TTC29: variants seen among roughly 807,000 people sequenced by gnomAD.
The protein encoded by TTC29 is tetratricopeptide repeat domain 29, also known as tetratricopeptide repeat protein 29.
In TTC29, 49 loss-of-function variants were observed where a neutral mutation model predicts 58.1. The observed-to-expected ratio is 0.84, with a 90% CI of 0.67 to 1.07. The LOEUF is 1.07. Among genes scored for constraint, TTC29 ranks in the 50% least tolerant of loss-of-function variants. The probability of loss-of-function intolerance (pLI) is 0.00; values close to 1 mark genes in which losing one functional copy is unlikely to be tolerated. For synonymous variants in TTC29, 209 were observed against 196.8 expected, an observed-to-expected ratio of 1.06 and a Z score of -0.52; for missense variants, 582 against 555.6, an observed-to-expected ratio of 1.05 and a Z score of -0.48.
intron 11 of TTC29, among the ~76,000 whole-genome samples, chr4:146,786,499 G>T (rs368723011): frequency 1.3e-5 from 2 of 152,126 alleles, no homozygotes; most frequent in African/African-American, 4.8e-5. Flanking sequence ...ATGATTTCCA[G>T]ATATTCTCCC....
chr4:146,732,553 G>A (rs79054842), intron 11 of TTC29, among the ~76,000 whole-genome samples: 3,483 of 152,190 alleles, frequency 0.023, 65 homozygotes, highest in Non-Finnish European at 0.031. Flanking sequence ...GGAGGGCAGC[G>A]AAGTAGTTTG....
At chr4:146,893,044 T>C (rs113621664) in intron 6 of TTC29, among the ~76,000 whole-genome samples, 3 of 152,236 alleles carry the variant, frequency 2.0e-5, no homozygotes, top group African/African-American at 7.2e-5. Context: ...TACAAACAAA[T>C]GGAAGAACAT....
At position 146,821,985 on chromosome 4, in the gene TTC29, G is replaced by GTTT. The variant is rs34100285; in HGVS notation, c.978-1740_978-1738dup. Among the ~76,000 whole-genome samples the GTTT allele has an allele frequency of 9.2e-4, 101 of 109,440 alleles. 1 individual carries two copies. The highest frequency in any genetic ancestry group is 1.4e-3 in the Non-Finnish European group (76 of 54,084). The allele number at this position is 109,440 out of a possible 152,430, so 71.8% of individuals were successfully genotyped here. A position where few individuals can be genotyped will look rare whatever the true frequency, so the allele number is the denominator to read the frequency against. On this transcript the variant is annotated intron_variant, in intron 9 of 12. Coordinates refer to ENST00000325106, the MANE Select transcript of TTC29 (RefSeq NM_031956.4). ...CTATCCTCGTAAGAACATGTCTAGT[G>GTTT]TTTTTTTTTTTTTTTTTTTTTCTGG...
chr4:146,775,848 T>A (rs1191223796), intron 11 of TTC29, among the ~76,000 whole-genome samples: 1 of 152,214 alleles, frequency 6.6e-6, no homozygotes, highest in African/African-American at 2.4e-5. Context: ...AAATATGTTT[T>A]ACAGGTTGCT....
intron 2 of TTC29, chr4:146,942,467 G>C: frequency 2.0e-6 from 1 of 490,880 alleles, no homozygotes; most frequent in Non-Finnish European, 3.5e-6. Context: ...TGAGTTACTG[G>C]AATAACAAGA....
At chr4:146,753,356 C>T (rs964429311) in intron 11 of TTC29, among the ~76,000 whole-genome samples, 37 of 152,138 alleles carry the variant, frequency 2.4e-4, no homozygotes, top group African/African-American at 8.5e-4. Flanking sequence ...AATGAGATAC[C>T]ATCTCACACC....
Position 146,858,671 on chromosome 4 carries a change from G to A in TTC29, c.885+8827C>T, listed in dbSNP as rs116246130. 4.5e-3 allele frequency among the ~76,000 whole-genome samples: 680 copies of A among 152,234 alleles called. 6 individuals carry two copies. Among genetic ancestry groups the A allele is most frequent in the African/African-American group, 0.015 (629 of 41,546 alleles). On this transcript the variant is annotated intron_variant, in intron 8 of 12. Coordinates refer to ENST00000325106, the MANE Select transcript of TTC29 (RefSeq NM_031956.4). Reference sequence around the variant, plus strand: ...TAACATAATAGTTTTAGTTATCTGCGTGTTAAGCCCCATGCTACAAATTTC... The same window carrying A: ...TAACATAATAGTTTTAGTTATCTGCATGTTAAGCCCCATGCTACAAATTTC...
Position 146,833,846 on chromosome 4 carries a change from G to T in TTC29, c.937C>A (p.Leu313Met). The T allele has an allele frequency of 1.2e-6, 2 of 1,613,260 alleles. No individual in the cohort carries two copies. The highest frequency in any genetic ancestry group is 1.1e-5 in the South Asian group (1 of 91,018). Residue 313 changes from leucine to methionine, a missense_variant, in exon 9 of 13, where the codon CTG becomes ATG. Coordinates refer to ENST00000325106, the MANE Select transcript of TTC29 (RefSeq NM_031956.4). ...ISTDLDDDLS[L>M]GRGYEAIAKV... ...GCTATGGCTTCATAGCCTCTCCCCA[G>T]ACTGAGATCATCATCCAGGTCTGTG...
At chr4:146,846,249 T>C (rs4835350) in intron 8 of TTC29, among the ~76,000 whole-genome samples, 9,803 of 152,230 alleles carry the variant, frequency 0.064, 414 homozygotes, top group Admixed American at 0.13. Context: ...AAATTTCAGA[T>C]TGACACAAGA....
intron 8 of TTC29, among the ~76,000 whole-genome samples, chr4:146,839,714 T>C (rs1052300666): frequency 2.0e-5 from 3 of 151,404 alleles, no homozygotes; most frequent in African/African-American, 2.4e-5. Flanking sequence ...AAAAGAAAAA[T>C]GATAAAGGAA....
chr4:146,778,976 C>CAAAAAAAAAAAAAAAAAAAAAAAAAAAAA (rs369374851), intron 11 of TTC29, among the ~76,000 whole-genome samples: 4 of 28,538 alleles, frequency 1.4e-4, no homozygotes, highest in African/African-American at 2.1e-4. Context: ...CCTAAATAAG[C>CAAAAAAAAAAAAAAAAAAAAAAAAAAAAA]AAAAAAAAAA....
At chr4:146,800,886 G>C (rs924621167) in intron 11 of TTC29, among the ~76,000 whole-genome samples, 1 of 152,180 alleles carries the variant, frequency 6.6e-6, no homozygotes, top group East Asian at 1.9e-4. Flanking sequence ...GTGGTAGGAT[G>C]CAGAATATGC....
chr4:146,922,033 A>C (rs916281280), intron 4 of TTC29, among the ~76,000 whole-genome samples: 2 of 149,740 alleles, frequency 1.3e-5, no homozygotes, highest in African/African-American at 4.9e-5. Context: ...AAAAAAAAGA[A>C]AGAAAGAAAA....
At chr4:146,783,025 A>G (rs1748734709) in intron 11 of TTC29, among the ~76,000 whole-genome samples, 1 of 151,990 alleles carries the variant, frequency 6.6e-6, no homozygotes, top group Non-Finnish European at 1.5e-5. Flanking sequence ...TGCATTTTTC[A>G]GATATAAAAA....
intron 7 of TTC29, among the ~76,000 whole-genome samples, chr4:146,869,097 T>TAAAAA (rs35029868): frequency 1.8e-5 from 2 of 110,454 alleles, no homozygotes; most frequent in African/African-American, 5.8e-5. Context: ...GAGCTTTAAG[T>TAAAAA]AAAAAAAAAA....
chr4:146,898,030 GGGAT>G (rs1732894672), intron 6 of TTC29, among the ~76,000 whole-genome samples: 1 of 152,096 alleles, frequency 6.6e-6, no homozygotes, highest in South Asian at 2.1e-4. Flanking sequence ...TGCTAAAGAT[GGGAT>G]GGATACTGTA....
intron 2 of TTC29, among the ~76,000 whole-genome samples, chr4:146,943,396 T>A (rs1736612140): frequency 1.3e-5 from 2 of 151,010 alleles, no homozygotes; most frequent in African/African-American, 4.9e-5. Context: ...AATGATAAAG[T>A]GGAAAAAAAG....
At chr4:146,777,377 T>C (rs781493152) in intron 11 of TTC29, among the ~76,000 whole-genome samples, 70 of 152,094 alleles carry the variant, frequency 4.6e-4, no homozygotes, top group Non-Finnish European at 4.9e-4. Context: ...GTTTTTTATA[T>C]ATTACGTTGA....
At chr4:146,894,835 CT>C (rs920115012) in intron 6 of TTC29, among the ~76,000 whole-genome samples, 2 of 151,960 alleles carry the variant, frequency 1.3e-5, no homozygotes, top group African/African-American at 2.4e-5. Flanking sequence ...CTCTGTTGTT[CT>C]TTTTTTCCCC....
Sources: gnomAD v4.1 joint callset for allele counts (sites outside exome capture counted in the v4.1 genomes callset) on GRCh38, gnomAD v4.1.1 for gene constraint, MANE v1.5 for transcripts, NCBI Gene and HGNC (gene_info 2026-07-23, HGNC 2026-07-21) for gene names.